Variants in NTM observed in about 807,000 individuals in gnomAD.
The protein encoded by NTM is IgLON family member 2.
A neutral mutation model predicts 42.1 loss-of-function variants in NTM; 13 were observed. The ratio of observed to expected loss-of-function variants is 0.31; its 90% CI spans 0.20 to 0.49. The LOEUF is 0.49. NTM is among the 20% of genes least tolerant of loss of function. The probability of loss-of-function intolerance (pLI) is 0.99; values close to 1 mark genes in which losing one functional copy is unlikely to be tolerated. For synonymous variants in NTM, 187 were observed against 179.2 expected (o/e 1.04, Z -0.35); for missense variants, 373 against 452.8 (o/e 0.82, Z 1.60).
intron 1 of NTM, among the ~76,000 whole-genome samples, chr11:131,704,392 C>A (rs1324118459): frequency 2.0e-5 from 3 of 152,312 alleles, no homozygotes; most frequent in South Asian, 4.1e-4. Context: ...CCAGACACAG[C>A]CCCCTCCAGC....
intron 1 of NTM, among the ~76,000 whole-genome samples, chr11:131,590,826 G>T (rs974212447): frequency 6.6e-6 from 1 of 152,160 alleles, no homozygotes; most frequent in Non-Finnish European, 1.5e-5. Flanking sequence ...GTTTAACCCA[G>T]GTCTGGCCCC....
At chr11:131,895,016 C>T (rs1040587220) in intron 1 of NTM, among the ~76,000 whole-genome samples, 18 of 152,160 alleles carry the variant, frequency 1.2e-4, no homozygotes, top group Admixed American at 7.8e-4. Flanking sequence ...CCTTGCACAC[C>T]GGGCAAGCCT....
At chr11:131,951,970 A>G (rs747271088) in intron 2 of NTM, among the ~76,000 whole-genome samples, 3 of 152,090 alleles carry the variant, frequency 2.0e-5, no homozygotes, top group Non-Finnish European at 2.9e-5. Context: ...ATAGTATATG[A>G]CCTATAAAAG....
At chr11:131,954,230 C>G (rs891300779) in intron 2 of NTM, among the ~76,000 whole-genome samples, 2 of 152,242 alleles carry the variant, frequency 1.3e-5, no homozygotes, top group African/African-American at 4.8e-5. Flanking sequence ...GCACAGGACG[C>G]TTCACTCAGC....
intron 1 of NTM, among the ~76,000 whole-genome samples, chr11:131,564,072 C>A (rs1024290253): frequency 2.0e-5 from 3 of 152,172 alleles, no homozygotes; most frequent in African/African-American, 7.2e-5. Context: ...GCTTCAACTG[C>A]AGAAGCAGAC....
intron 1 of NTM, among the ~76,000 whole-genome samples, chr11:131,775,911 G>T (rs1020978895): frequency 6.6e-6 from 1 of 152,180 alleles, no homozygotes; most frequent in African/African-American, 2.4e-5. Flanking sequence ...TTGGGATAGT[G>T]CATTTATTAG....
At chr11:131,541,042 A>G (rs963627256) in intron 1 of NTM, among the ~76,000 whole-genome samples, 2 of 152,196 alleles carry the variant, frequency 1.3e-5, no homozygotes, top group South Asian at 2.1e-4. Context: ...AGTGATTACA[A>G]TTATTGATGG....
intron 1 of NTM, among the ~76,000 whole-genome samples, chr11:131,444,970 G>C (rs940288790): frequency 6.6e-6 from 1 of 152,156 alleles, no homozygotes; most frequent in African/African-American, 2.4e-5. Flanking sequence ...TTTTCCATAA[G>C]TAAATATCTT....
At chr11:131,748,758 A>C (rs1463591091) in intron 1 of NTM, among the ~76,000 whole-genome samples, 1 of 152,188 alleles carries the variant, frequency 6.6e-6, no homozygotes, top group African/African-American at 2.4e-5. Context: ...TCTCCTCTGC[A>C]AAACAGATGG....
chr11:131,665,327 G>A (rs115447237), intron 1 of NTM, among the ~76,000 whole-genome samples: 371 of 152,308 alleles, frequency 2.4e-3, no homozygotes, highest in African/African-American at 6.4e-3. Context: ...TCCCTGGCAA[G>A]TGAAGGATAA....
intron 1 of NTM, among the ~76,000 whole-genome samples, chr11:131,656,630 C>T (rs546249048): frequency 6.6e-6 from 1 of 152,272 alleles, no homozygotes; most frequent in South Asian, 2.1e-4. Flanking sequence ...ATGGGTTTTC[C>T]GGTTCTGGTT....
At chr11:131,376,287 TA>T (rs1221401716) in intron 1 of NTM, among the ~76,000 whole-genome samples, 11 of 152,382 alleles carry the variant, frequency 7.2e-5, no homozygotes, top group African/African-American at 2.6e-4. Flanking sequence ...ATATCAAATT[TA>T]TCTTTGCCTA....
intron 1 of NTM, among the ~76,000 whole-genome samples, chr11:131,693,163 A>G (rs11828690): frequency 0.11 from 16,382 of 151,886 alleles, 2,962 homozygotes; most frequent in African/African-American, 0.37. Flanking sequence ...GGCTGGGGAA[A>G]TTCACAAACA....
chr11:131,437,586 A>G (rs922259963), intron 1 of NTM, among the ~76,000 whole-genome samples: 7 of 152,124 alleles, frequency 4.6e-5, no homozygotes, highest in Admixed American at 2.6e-4. Flanking sequence ...AGTCTGTTTT[A>G]TCAGAGACTA....
chr11:131,620,931 TA>T (rs1364532881), intron 1 of NTM, among the ~76,000 whole-genome samples: 1 of 152,206 alleles, frequency 6.6e-6, no homozygotes, highest in Non-Finnish European at 1.5e-5. Context: ...AGCTACTTCT[TA>T]AATGAATGAA....
intron 6 of NTM, among the ~76,000 whole-genome samples, chr11:132,314,227 G>C (rs3099771): frequency 6.6e-6 from 1 of 152,054 alleles, no homozygotes; most frequent in African/African-American, 2.4e-5. Flanking sequence ...TGTGTGAATC[G>C]TATTGCTCTG....
chr11:131,715,157 TTA>T (rs2077558338), intron 1 of NTM, among the ~76,000 whole-genome samples: 1 of 152,190 alleles, frequency 6.6e-6, no homozygotes, highest in Non-Finnish European at 1.5e-5. Flanking sequence ...ATATGGTGGC[TTA>T]AACAAGATGG....
chr11:131,645,641 G>A (rs1450315219), intron 1 of NTM, among the ~76,000 whole-genome samples: 1 of 152,014 alleles, frequency 6.6e-6, no homozygotes. Context: ...TAGTTCTTAC[G>A]CCTTTATGTC....
intron 1 of NTM, among the ~76,000 whole-genome samples, chr11:131,586,605 C>A (rs1565669966): frequency 6.6e-6 from 1 of 152,176 alleles, no homozygotes; most frequent in Non-Finnish European, 1.5e-5. Flanking sequence ...TTAGGAGGAA[C>A]CCTGAGCCAG....
Sources: allele counts gnomAD v4.1 joint callset (sites outside exome capture counted in the v4.1 genomes callset), GRCh38; gene constraint gnomAD v4.1.1; transcripts MANE v1.5; gene names NCBI Gene and HGNC (gene_info 2026-07-23, HGNC 2026-07-21).